Variants in SLC9B1 observed in about 807,000 individuals in gnomAD.
SLC9B1 encodes the protein sodium/hydrogen exchanger 9B1.
In SLC9B1, 32 loss-of-function variants were observed where a neutral mutation model predicts 51.7. The observed-to-expected ratio is 0.62, with a 90% CI of 0.47 to 0.83. The LOEUF (loss-of-function observed/expected upper bound fraction) is 0.83. Among genes scored for constraint, SLC9B1 ranks in the 40% least tolerant of loss-of-function variants. The probability of loss-of-function intolerance (pLI) is 0.00; values close to 1 mark genes in which losing one functional copy is unlikely to be tolerated. For missense variants in SLC9B1, 406 were observed against 613.2 expected, an observed-to-expected ratio of 0.66 and a Z score of 3.57; for synonymous variants, 145 against 212.7, an observed-to-expected ratio of 0.68 and a Z score of 2.77.
intron 3 of SLC9B1, among the ~76,000 whole-genome samples, chr4:102,951,657 T>C (rs1737563032): frequency 6.7e-6 from 1 of 149,330 alleles, no homozygotes; most frequent in Admixed American, 6.7e-5. Context: ...AGCAAAGTAG[T>C]AGATATGAGG....
At chr4:102,962,186 A>G (rs1738172628) in intron 3 of SLC9B1, 2 of 512,618 alleles carry the variant, frequency 3.9e-6, no homozygotes, top group Non-Finnish European at 7.8e-6. Context: ...TCTTTCTTGC[A>G]TTTCTATCAG....
At chr4:102,899,296 C>CT (rs1734678979), downstream of SLC9B1, among the ~76,000 whole-genome samples, 1 of 151,002 alleles carries the variant, frequency 6.6e-6, no homozygotes, top group Non-Finnish European at 1.5e-5. Context: ...TAATCAATAA[C>CT]ACAATTCCTC....
chr4:103,013,607 T>C (rs1206426742), intron 1 of SLC9B1, among the ~76,000 whole-genome samples: 1 of 152,228 alleles, frequency 6.6e-6, no homozygotes, highest in African/African-American at 2.4e-5. Flanking sequence ...ATCTAATTAC[T>C]TATTGAATAT....
intron 3 of SLC9B1, among the ~76,000 whole-genome samples, chr4:102,959,239 C>CGT: frequency 6.7e-6 from 1 of 149,058 alleles, no homozygotes; most frequent in South Asian, 2.1e-4. Context: ...TATATATACA[C>CGT]ACACACACAC....
chr4:102,893,300 A>G (rs1359701685), intron 11 of SLC9B1, among the ~76,000 whole-genome samples: 4 of 147,874 alleles, frequency 2.7e-5, no homozygotes, highest in East Asian at 1.9e-4. Context: ...AAAAAAAAAA[A>G]AAAAAGAAAA....
chr4:103,012,665 T>A (rs1268966557), intron 1 of SLC9B1, among the ~76,000 whole-genome samples: 1 of 152,244 alleles, frequency 6.6e-6, no homozygotes, highest in Non-Finnish European at 1.5e-5. Context: ...TACTTGAGAC[T>A]GAGTAATCTA....
At chr4:102,885,424 T>C in intron 11 of SLC9B1, 1 of 1,613,476 alleles carries the variant, frequency 6.2e-7, no homozygotes. Context: ...GTTGGCGTTC[T>C]AAAACGGTAA....
chr4:102,941,474 AT>A (rs1369398262), intron 6 of SLC9B1: 1 of 455,742 alleles, frequency 2.2e-6, no homozygotes, highest in Non-Finnish European at 4.4e-6. Context: ...AATGGCTATT[AT>A]CAAAAAGTCA....
Position 102,932,111 on chromosome 4 carries a change from T to C in SLC9B1, c.829+13A>G. ...CATGAATGATCTAGTGGTTGTTATATTTTCTTGTTTACCTGAGGAAAAGAC... is the reference window on the plus strand; with the variant it reads ...CATGAATGATCTAGTGGTTGTTATACTTTCTTGTTTACCTGAGGAAAAGAC... On this transcript the variant is annotated intron_variant, in intron 7 of 11. Transcript: ENST00000296422. The C allele has an allele frequency of 6.2e-7, 1 of 1,611,504 alleles. No individual in the cohort carries two copies. The highest frequency in any genetic ancestry group is 8.5e-7 in the Non-Finnish European group (1 of 1,179,496).
At chr4:102,925,381 A>G (rs936596649) in intron 7 of SLC9B1, among the ~76,000 whole-genome samples, 1 of 152,136 alleles carries the variant, frequency 6.6e-6, no homozygotes, top group Admixed American at 6.6e-5. Flanking sequence ...AGGGTGGGGA[A>G]CATCACACAC....
intron 3 of SLC9B1, among the ~76,000 whole-genome samples, chr4:102,963,867 A>G (rs767739077): frequency 6.6e-6 from 1 of 152,180 alleles, no homozygotes; most frequent in East Asian, 1.9e-4. Flanking sequence ...ATAATCTAAA[A>G]TTGGTAATTA....
intron 3 of SLC9B1, among the ~76,000 whole-genome samples, chr4:102,959,097 AT>A (rs1737950429): frequency 6.6e-6 from 1 of 152,200 alleles, no homozygotes; most frequent in Non-Finnish European, 1.5e-5. Flanking sequence ...ATGGACTAAA[AT>A]AAAAAGGCAA....
chr4:102,997,994 A>G (rs1226520218), intron 1 of SLC9B1, among the ~76,000 whole-genome samples: 1 of 152,176 alleles, frequency 6.6e-6, no homozygotes, highest in African/African-American at 2.4e-5. Context: ...TATTTTAAGC[A>G]ATTTTCCTGT....
intron 11 of SLC9B1, chr4:102,890,674 C>G (rs772850139): frequency 6.6e-6 from 1 of 151,610 alleles, no homozygotes; most frequent in Non-Finnish European, 1.5e-5. Flanking sequence ...GATCTCATCT[C>G]TACAGAAAAA....
At chr4:102,963,811 G>A (rs1383796905) in intron 3 of SLC9B1, among the ~76,000 whole-genome samples, 1 of 152,062 alleles carries the variant, frequency 6.6e-6, no homozygotes, top group Non-Finnish European at 1.5e-5. Context: ...TGCAATTAAA[G>A]CAGTGTATAG....
intron 4 of SLC9B1, among the ~76,000 whole-genome samples, chr4:102,947,205 C>T (rs1208828803): frequency 6.6e-6 from 1 of 152,118 alleles, no homozygotes; most frequent in Non-Finnish European, 1.5e-5. Flanking sequence ...AAGGCTCTGC[C>T]ACAGTCCACG....
intron 11 of SLC9B1, 86 bp from the exon 12 acceptor site, chr4:102,901,418 A>C: frequency 3.4e-6 from 5 of 1,486,892 alleles, no homozygotes; most frequent in South Asian, 1.2e-5. Context: ...AAAATAAACA[A>C]AATCTAGTAC....
At chr4:102,888,461 A>G (rs536651109) in intron 11 of SLC9B1, 1 of 152,360 alleles carries the variant, frequency 6.6e-6, no homozygotes, top group Non-Finnish European at 1.5e-5. Flanking sequence ...CCTCACCTGC[A>G]TTTGATTGAA....
intron 7 of SLC9B1, among the ~76,000 whole-genome samples, chr4:102,920,509 A>C (rs1029617778): frequency 3.3e-5 from 5 of 152,236 alleles, no homozygotes; most frequent in African/African-American, 1.2e-4. Flanking sequence ...TCTCCTCCAA[A>C]GGATCGCAGC....
Sources: allele counts gnomAD v4.1 joint callset (sites outside exome capture counted in the v4.1 genomes callset), GRCh38; gene constraint gnomAD v4.1.1; transcripts MANE v1.5; gene names NCBI Gene and HGNC (gene_info 2026-07-23, HGNC 2026-07-21).